The following TBK1 variants were observed in gnomAD, a reference collection of about 807,000 sequenced individuals.
TBK1 encodes the protein serine/threonine-protein kinase TBK1.
TBK1 carries 37 observed loss-of-function variants against 99.9 expected under a neutral mutation model. That is an observed-to-expected ratio of 0.37 (90% confidence interval 0.28 to 0.49). The LOEUF is 0.49. Among genes scored for constraint, TBK1 ranks in the 20% least tolerant of loss-of-function variants. The pLI, the probability that TBK1 is intolerant of heterozygous loss-of-function variation, is 0.98. For synonymous variants in TBK1, 258 were observed against 279.8 expected (o/e 0.92, Z 0.78); for missense variants, 644 against 872.5 (o/e 0.74, Z 3.30).
Position 64,452,192 on chromosome 12 carries a change from G to A in TBK1, c.-32+5G>A, listed in dbSNP as rs1054582483. 1.3e-5 allele frequency: 2 copies of A among 152,476 alleles called. No individual in the cohort carries two copies. The highest frequency in any genetic ancestry group is 4.8e-5 in the African/African-American group (2 of 41,456). The allele number at this position is 152,476 out of a possible 1,614,324, so 9.4% of individuals were successfully genotyped here. A position where few individuals can be genotyped will look rare whatever the true frequency, so the allele number is the denominator to read the frequency against. On this transcript the variant is annotated splice_donor_5th_base_variant and intron_variant, in intron 1 of 20. Coordinates refer to ENST00000331710, the MANE Select transcript of TBK1 (RefSeq NM_013254.4). ...GCGCGGCGGAGACCCGGCTGGGTAA[G>A]TGAGACGGCCGCGGGCTGAGGGGCC...
chr12:64,464,578 A>G (rs2040583466), intron 4 of TBK1, 115 bp downstream of exon 4: 1 of 777,392 alleles, frequency 1.3e-6, no homozygotes, highest in Non-Finnish European at 1.8e-6. Context: ...ATTAGATATG[A>G]CACCAAAAGC....
Position 64,499,587 on chromosome 12 carries a change from A to G in TBK1, c.2138+1548A>G, listed in dbSNP as rs374383199. 2.2e-4 allele frequency among the ~76,000 whole-genome samples: 34 copies of G among 151,728 alleles called. 1 individual carries two copies. The East Asian group carries it at 6.4e-3, about 29-fold the overall frequency. On this transcript the variant is annotated intron_variant, in intron 20 of 20. Coordinates refer to ENST00000331710, the MANE Select transcript of TBK1 (RefSeq NM_013254.4). ...TTTAAAAAATATTTTCCTTGTTTATAGTAATTATCTAACTTTTATAGTATC... is the reference window on the plus strand; with the variant it reads ...TTTAAAAAATATTTTCCTTGTTTATGGTAATTATCTAACTTTTATAGTATC...
chr12:64,475,687 A>C (rs755602021), intron 6 of TBK1, among the ~76,000 whole-genome samples: 5 of 152,144 alleles, frequency 3.3e-5, no homozygotes, highest in African/African-American at 7.2e-5. Context: ...GCTGCAAAGG[A>C]TATGATTTCA....
At chr12:64,454,602 CAT>C (rs1402383071) in intron 1 of TBK1, among the ~76,000 whole-genome samples, 2 of 148,036 alleles carry the variant, frequency 1.4e-5, no homozygotes, top group Non-Finnish European at 3.0e-5. Context: ...GAATGTATGT[CAT>C]TGGTTAATGT....
intron 20 of TBK1, among the ~76,000 whole-genome samples, chr12:64,498,955 CA>C (rs200634833): frequency 2.1e-3 from 224 of 104,428 alleles, no homozygotes; most frequent in Admixed American, 1.8e-3. Context: ...GACCCTGTTT[CA>C]AAAAAAAAAA....
chr12:64,499,450 T>G (rs1037482808), intron 20 of TBK1, among the ~76,000 whole-genome samples: 11 of 152,184 alleles, frequency 7.2e-5, no homozygotes, highest in African/African-American at 2.7e-4. Flanking sequence ...CCAATTTGTT[T>G]AGTAAAAACC....
intron 5 of TBK1, among the ~76,000 whole-genome samples, chr12:64,468,486 G>A (rs368958601): frequency 1.3e-5 from 2 of 148,342 alleles, no homozygotes; most frequent in African/African-American, 5.0e-5. Flanking sequence ...GCGAGACTCC[G>A]TCTCAGAAAA....
intron 11 of TBK1, among the ~76,000 whole-genome samples, chr12:64,487,589 C>T (rs1272889293): frequency 2.0e-5 from 3 of 152,032 alleles, no homozygotes; most frequent in Non-Finnish European, 4.4e-5. Flanking sequence ...TTTTTATTTT[C>T]TCTTATCTAT....
At chr12:64,495,926 T>TAAA (rs369559731) in intron 15 of TBK1, 151 bp downstream of exon 15, 59 of 386,096 alleles carry the variant, frequency 1.5e-4, no homozygotes, top group South Asian at 7.0e-4. Context: ...TTGATTGTGT[T>TAAA]AAAAAAAAAA....
chr12:64,485,514 G>A lies in TBK1; in HGVS notation c.1248+1G>A. 1 of 1,512,450 alleles carries A rather than the reference G, an allele frequency of 6.6e-7. No individual in the cohort carries two copies. 93.7% of individuals were successfully genotyped at this position (1,512,450 alleles called of 1,614,324 possible). A position where few individuals can be genotyped will look rare whatever the true frequency, so the allele number is the denominator to read the frequency against. On this transcript the variant is annotated splice_donor_variant, in intron 10 of 20. Transcript: ENST00000331710. LOFTEE classifies it high-confidence loss of function. ...AGACGGGGATGCTAGCATGGCTAAGGTTAGTATTTAATTTAATTACTATGT... is the reference window on the plus strand; with the variant it reads ...AGACGGGGATGCTAGCATGGCTAAGATTAGTATTTAATTTAATTACTATGT...
intron 4 of TBK1, among the ~76,000 whole-genome samples, chr12:64,464,854 A>T (rs1468237315): frequency 3.3e-5 from 5 of 152,144 alleles, no homozygotes; most frequent in Non-Finnish European, 7.3e-5. Flanking sequence ...GCTCAACATT[A>T]ATTAATTAAT....
chr12:64,464,391 A>G lies in TBK1; in HGVS notation c.286A>G (p.Thr96Ala). The change falls in exon 4 of 21, where the codon ACT becomes GCT. Residue 96 changes from threonine (T) to alanine (A), a missense_variant. Coordinates refer to ENST00000331710, the MANE Select transcript of TBK1 (RefSeq NM_013254.4). ...ATTTTGTCCATGTGGGAGTTTATAC[A>G]CTGTTTTAGAAGAACCTTCTAATGC... ...MEFCPCGSLYTVLEEPSNAYG... is the reference protein window; with the variant it reads ...MEFCPCGSLYAVLEEPSNAYG... 3.7e-6 allele frequency: 6 copies of G among 1,608,640 alleles called. No homozygotes were observed. Among genetic ancestry groups the G allele is most frequent in the Non-Finnish European group, 5.1e-6 (6 of 1,177,520 alleles).
rs7298599 is a variant in TBK1 at position 64,478,928 on chromosome 12, A to G, written c.702-1084A>G. ...TGTGTGCTGCTCACTAATAAAGGAA[A>G]CATGTGACTCATAAGCAGCTAGGAA... On this transcript the variant is annotated intron_variant, in intron 6 of 20. Coordinates refer to ENST00000331710, the MANE Select transcript of TBK1 (RefSeq NM_013254.4). Among the ~76,000 whole-genome samples, 1,273 of 152,338 alleles carry G rather than the reference A, an allele frequency of 8.4e-3. 16 individuals are homozygous for G. Among genetic ancestry groups the G allele is most frequent in the African/African-American group, 0.028 (1,184 of 41,574 alleles).
intron 5 of TBK1, among the ~76,000 whole-genome samples, chr12:64,473,431 T>C (rs774845725): frequency 5.5e-4 from 84 of 152,154 alleles, no homozygotes; most frequent in Non-Finnish European, 9.7e-4. Context: ...TCTTTTAAAA[T>C]GGGAGATATT....
rs114502047 is a variant in TBK1, at chr12:64,471,052, A to G, written c.541-3178A>G. Reference sequence around the variant, plus strand: ...AGGCTCAGCAGCCTAGCTATATTCTACATTTAACTGGAAACTTCCCTCGTT... The same window carrying G: ...AGGCTCAGCAGCCTAGCTATATTCTGCATTTAACTGGAAACTTCCCTCGTT... On this transcript the variant is annotated intron_variant, in intron 5 of 20. Coordinates refer to ENST00000331710, the MANE Select transcript of TBK1 (RefSeq NM_013254.4). 8.9e-3 allele frequency among the ~76,000 whole-genome samples: 1,359 copies of G among 152,328 alleles called. 19 individuals carry two copies. Among genetic ancestry groups the G allele is most frequent in the African/African-American group, 0.031 (1,269 of 41,580 alleles).
At chr12:64,489,735 A>ATTT (rs539156355) in intron 12 of TBK1, among the ~76,000 whole-genome samples, 5,011 of 137,018 alleles carry the variant, frequency 0.037, 291 homozygotes, top group African/African-American at 0.13. Flanking sequence ...CGCCCGGCTT[A>ATTT]TTTTTTTTTT....
chr12:64,466,038 T>C (rs2040600166), intron 4 of TBK1, among the ~76,000 whole-genome samples: 1 of 152,162 alleles, frequency 6.6e-6, no homozygotes, highest in Non-Finnish European at 1.5e-5. Flanking sequence ...AAAAGGTTGG[T>C]GGGAATTCTT....
At chr12:64,474,531 AAG>A (rs1245573880) in intron 6 of TBK1, 141 bp downstream of exon 6, 1 of 808,490 alleles carries the variant, frequency 1.2e-6, no homozygotes, top group East Asian at 2.7e-5. Flanking sequence ...GGTTTTTAAA[AAG>A]AATGCAGCCT....
chr12:64,473,574 G>A (rs2040681905), intron 5 of TBK1, among the ~76,000 whole-genome samples: 1 of 152,208 alleles, frequency 6.6e-6, no homozygotes, highest in Admixed American at 6.5e-5. Context: ...AGCACAGATG[G>A]AAAAGTTGGC....
Sources: gnomAD v4.1 joint callset for allele counts (sites outside exome capture counted in the v4.1 genomes callset) on GRCh38, gnomAD v4.1.1 for gene constraint, MANE v1.5 for transcripts, NCBI Gene and HGNC (gene_info 2026-07-23, HGNC 2026-07-21) for gene names.